Variants in AGAP1 observed in about 807,000 individuals in gnomAD.
AGAP1 encodes the protein arf-GAP with GTPase, ANK repeat and PH domain-containing protein 1.
A neutral mutation model predicts 105.3 loss-of-function variants in AGAP1; 29 were observed. That is an observed-to-expected ratio of 0.28 (90% CI 0.21 to 0.38). AGAP1 has a LOEUF of 0.38. AGAP1 is among the 10% of genes least tolerant of loss of function. AGAP1 has a pLI of 1.00. For missense variants in AGAP1, 998 were observed against 1,165.1 expected (o/e 0.86, Z 2.09); for synonymous variants, 509 against 485.9 (o/e 1.05, Z -0.63).
At chr2:235,929,911 G>T (rs2052639342) in intron 11 of AGAP1, among the ~76,000 whole-genome samples, 3 of 152,136 alleles carry the variant, frequency 2.0e-5, no homozygotes, top group African/African-American at 4.8e-5. Context: ...AACTTAGCTG[G>T]TTCTGAACTA....
Position 235,799,893 on chromosome 2 carries a change from C to G in AGAP1, c.957+371C>G, listed in dbSNP as rs1049961324. 2.4e-4 allele frequency among the ~76,000 whole-genome samples: 37 copies of G among 152,180 alleles called. No homozygotes were observed. The highest frequency in any genetic ancestry group is 6.8e-3 in the Middle Eastern group (2 of 294). On this transcript the variant is annotated intron_variant, in intron 8 of 17. Coordinates refer to ENST00000304032, the MANE Select transcript of AGAP1 (RefSeq NM_001037131.3). The surrounding 1 kb of genome is among the most constrained non-coding windows in gnomAD (Gnocchi z 5.0). ...CGTTCAGATGATATATAAGCTATTACTGTCCACAGGCCCTCTTCTTCTTCT... is the reference window on the plus strand; with the variant it reads ...CGTTCAGATGATATATAAGCTATTAGTGTCCACAGGCCCTCTTCTTCTTCT...
At chr2:235,966,731 C>A (rs1276488926) in intron 12 of AGAP1, among the ~76,000 whole-genome samples, 4 of 152,106 alleles carry the variant, frequency 2.6e-5, no homozygotes, top group Admixed American at 1.3e-4. Flanking sequence ...GGTGGCCCTT[C>A]ACCCTCTTCG....
chr2:235,612,718 G>A lies in AGAP1; in HGVS notation c.164-96461G>A, dbSNP rs1375201008. Among the ~76,000 whole-genome samples the A allele has an allele frequency of 1.3e-5, 2 of 148,334 alleles. No individual in the cohort carries two copies. The highest frequency in any genetic ancestry group is 3.0e-5 in the Non-Finnish European group (2 of 67,620). ...GCACAGTGGTCCTTTTGCATGGGGT[G>A]GCCGGCCAGGTGTGCTGAGTGCCAC... On this transcript the variant is annotated intron_variant, in intron 1 of 17. Coordinates refer to ENST00000304032, the MANE Select transcript of AGAP1 (RefSeq NM_001037131.3). This position sits in a 1 kb window ranked among gnomAD's most constrained non-coding sequence, Gnocchi z 4.3.
In AGAP1 at chr2:235,963,920, G is replaced by A. The variant is rs1383819525; in HGVS notation, c.1484-4542G>A. On this transcript the variant is annotated intron_variant, in intron 12 of 17. Transcript: ENST00000304032. This position sits in a 1 kb window ranked among gnomAD's most constrained non-coding sequence, Gnocchi z 5.1. ...ACGGCATAGCTAATGTGTGTGTTCT[G>A]AGTGTCTTCGAAATAGCGGTGTACA... is the stretch of plus-strand genomic sequence containing the variant. Among the ~76,000 whole-genome samples the A allele has an allele frequency of 1.3e-5, 2 of 151,182 alleles. No individual in the cohort carries two copies. The highest frequency in any genetic ancestry group is 3.9e-4 in the East Asian group (2 of 5,180).
chr2:235,746,302 A>C (rs539402099), intron 5 of AGAP1, among the ~76,000 whole-genome samples: 10 of 149,162 alleles, frequency 6.7e-5, no homozygotes, highest in Non-Finnish European at 1.5e-4. Flanking sequence ...AAAAAAAAAC[A>C]AAACTATAAG....
rs1472854987 is a variant in AGAP1 at position 235,752,696 on chromosome 2, T to C, written c.673+2208T>C. On this transcript the variant is annotated intron_variant, in intron 6 of 17. Transcript: ENST00000304032. This position sits in a 1 kb window ranked among gnomAD's most constrained non-coding sequence, Gnocchi z 4.3. ...TAAGTTTAGTTTCCACAGTGACTCC[T>C]TTGCTTTTGTATTTATCACGGTTAA... Among the ~76,000 whole-genome samples, 1 of 152,198 alleles carries C rather than the reference T, an allele frequency of 6.6e-6. No homozygotes were observed. The highest frequency in any genetic ancestry group is 2.4e-5 in the African/African-American group (1 of 41,466).
chr2:236,019,575 C>T (rs935057925), intron 13 of AGAP1, among the ~76,000 whole-genome samples: 1 of 152,230 alleles, frequency 6.6e-6, no homozygotes. Flanking sequence ...GGGCAGGCAT[C>T]AGCCCCAGGA....
chr2:236,117,724 C>T (rs978616746), intron 16 of AGAP1, among the ~76,000 whole-genome samples: 3 of 152,288 alleles, frequency 2.0e-5, no homozygotes, highest in Admixed American at 6.5e-5. Flanking sequence ...ATTTAATTGA[C>T]GTTTTGCTCC....
At chr2:235,575,739 T>C (rs567507370) in intron 1 of AGAP1, among the ~76,000 whole-genome samples, 2 of 152,332 alleles carry the variant, frequency 1.3e-5, no homozygotes, top group East Asian at 3.9e-4. Context: ...ACTTTTTTAT[T>C]GCAAAGGTTC....
intron 1 of AGAP1, among the ~76,000 whole-genome samples, chr2:235,565,932 T>C (rs1331258800): frequency 1.3e-5 from 2 of 152,196 alleles, no homozygotes; most frequent in East Asian, 3.8e-4. Flanking sequence ...AAGAATGTTT[T>C]GCCACTAAAC....
At chr2:235,766,909 T>C (rs1955003726) in intron 6 of AGAP1, among the ~76,000 whole-genome samples, 1 of 36,518 alleles carries the variant, frequency 2.7e-5, no homozygotes, top group Non-Finnish European at 6.9e-5. Context: ...ACCGGCTAAT[T>C]TTTTTTTTTT....
At position 235,599,803 on chromosome 2, in the gene AGAP1, A is replaced by G. The variant is rs1186892714; in HGVS notation, c.163+104954A>G. Among the ~76,000 whole-genome samples the G allele has an allele frequency of 6.6e-6, 1 of 152,140 alleles. No individual in the cohort carries two copies. The highest frequency in any genetic ancestry group is 6.5e-5 in the Admixed American group (1 of 15,282). ...AGAGAGCGCCTGCCCCAGGGCTGGG[A>G]AGATGAGCAGGGATCCTGGGATGTG... On this transcript the variant is annotated intron_variant, in intron 1 of 17. Coordinates refer to ENST00000304032, the MANE Select transcript of AGAP1 (RefSeq NM_001037131.3). The surrounding 1 kb of genome is among the most constrained non-coding windows in gnomAD (Gnocchi z 5.3).
At position 235,725,695 on chromosome 2, in the gene AGAP1, G is replaced by GAT. The variant is rs1254879752; in HGVS notation, c.310+8053_310+8054dup. On this transcript the variant is annotated intron_variant, in intron 3 of 17. Transcript: ENST00000304032. This position sits in a 1 kb window ranked among gnomAD's most constrained non-coding sequence, Gnocchi z 5.7. Reference sequence around the variant, plus strand: ...AGCCTGCTGCTATGTTGGTTTAATAGATAAAGCAGAAGTCAGTTCAGCCAT... The same window carrying GAT: ...AGCCTGCTGCTATGTTGGTTTAATAGATATAAAGCAGAAGTCAGTTCAGCCAT... Among the ~76,000 whole-genome samples the GAT allele has an allele frequency of 1.3e-5, 2 of 152,170 alleles. No individual in the cohort carries two copies. Among genetic ancestry groups the GAT allele is most frequent in the African/African-American group, 4.8e-5 (2 of 41,438 alleles).
At chr2:235,603,251 C>A (rs959386821) in intron 1 of AGAP1, among the ~76,000 whole-genome samples, 14 of 152,140 alleles carry the variant, frequency 9.2e-5, no homozygotes, top group Non-Finnish European at 1.8e-4. Flanking sequence ...GTAAGATGTG[C>A]CTTTCACCTT....
intron 9 of AGAP1, among the ~76,000 whole-genome samples, chr2:235,814,768 G>C (rs965835356): frequency 3.9e-5 from 6 of 152,206 alleles, no homozygotes; most frequent in Non-Finnish European, 8.8e-5. Context: ...GAACAGGAGG[G>C]AGGCAGACAG....
At chr2:235,687,921 A>C (rs1169909826) in intron 1 of AGAP1, among the ~76,000 whole-genome samples, 3 of 6,706 alleles carry the variant, frequency 4.5e-4, no homozygotes, top group African/African-American at 1.5e-3. Context: ...TTTTTTTTTG[A>C]GATGGAGTCT....
chr2:235,810,425 C>CCA (rs1958073042), intron 9 of AGAP1, among the ~76,000 whole-genome samples: 1 of 152,200 alleles, frequency 6.6e-6, no homozygotes, highest in Non-Finnish European at 1.5e-5. Flanking sequence ...TTTTAGAACC[C>CCA]CAGCAACCTG....
chr2:235,877,676 A>G lies in AGAP1; in HGVS notation c.1051-5669A>G, dbSNP rs960774327. Reference sequence around the variant, plus strand: ...GTTTTGGATCACTTTTTAGATAGTGATTAAAATACACTCAAAAATTTAAAA... The same window carrying G: ...GTTTTGGATCACTTTTTAGATAGTGGTTAAAATACACTCAAAAATTTAAAA... On this transcript the variant is annotated intron_variant, in intron 9 of 17. Coordinates refer to ENST00000304032, the MANE Select transcript of AGAP1 (RefSeq NM_001037131.3). This position sits in a 1 kb window ranked among gnomAD's most constrained non-coding sequence, Gnocchi z 4.3. Among the ~76,000 whole-genome samples the G allele has an allele frequency of 1.3e-5, 2 of 152,216 alleles. No homozygotes were observed. The highest frequency in any genetic ancestry group is 2.4e-5 in the African/African-American group (1 of 41,458).
Position 235,556,725 on chromosome 2 carries a change from C to T in AGAP1, c.163+61876C>T, listed in dbSNP as rs932879194. On this transcript the variant is annotated intron_variant, in intron 1 of 17. Coordinates refer to ENST00000304032, the MANE Select transcript of AGAP1 (RefSeq NM_001037131.3). This position sits in a 1 kb window ranked among gnomAD's most constrained non-coding sequence, Gnocchi z 5.3. ...TATGTGTCTACTGCCTTAGAAAGTA[C>T]AGTAAGATGAATATTAAACTTTTCA... Among the ~76,000 whole-genome samples, 7 of 152,182 alleles carry T rather than the reference C, an allele frequency of 4.6e-5. No homozygotes were observed. Among genetic ancestry groups the T allele is most frequent in the African/African-American group, 1.7e-4 (7 of 41,440 alleles).
Sources: allele counts gnomAD v4.1 joint callset (sites outside exome capture counted in the v4.1 genomes callset), GRCh38; gene constraint gnomAD v4.1.1; non-coding constraint Gnocchi (gnomAD v3.1); transcripts MANE v1.5; gene names NCBI Gene and HGNC (gene_info 2026-07-23, HGNC 2026-07-21).